Variants in RNF130 observed in about 807,000 individuals in gnomAD.
RNF130 encodes the protein E3 ubiquitin-protein ligase RNF130.
RNF130 carries 21 observed loss-of-function variants against 44.6 expected under a neutral mutation model. That is an observed-to-expected ratio of 0.47 (90% CI 0.33 to 0.68). RNF130 has a LOEUF of 0.68. Ranked by LOEUF, RNF130 falls within the 30% of genes least tolerant of loss-of-function variation. The probability of loss-of-function intolerance (pLI) is 0.02; values close to 1 mark genes in which losing one functional copy is unlikely to be tolerated. For synonymous variants in RNF130, 214 were observed against 210.4 expected, an observed-to-expected ratio of 1.02 and a Z score of -0.15; for missense variants, 479 against 560.6, an observed-to-expected ratio of 0.85 and a Z score of 1.47.
intron 7 of RNF130, among the ~76,000 whole-genome samples, chr5:179,935,051 G>A (rs925637451): frequency 4.6e-5 from 7 of 152,144 alleles, no homozygotes; most frequent in African/African-American, 9.7e-5. Context: ...ATACTTCTAT[G>A]AGCATTCAAT....
chr5:179,968,837 C>T (rs1762514551), intron 6 of RNF130, among the ~76,000 whole-genome samples: 1 of 152,140 alleles, frequency 6.6e-6, no homozygotes, highest in Admixed American at 6.6e-5. Flanking sequence ...ATGCTACTAG[C>T]ATTTAGATGC....
intron 1 of RNF130, 80 bp downstream of exon 1, chr5:180,071,376 A>G: frequency 2.5e-6 from 3 of 1,206,598 alleles, no homozygotes; most frequent in Non-Finnish European, 3.1e-6. Context: ...CCAGGGCCAG[A>G]GCCGGGGCCG....
intron 2 of RNF130, among the ~76,000 whole-genome samples, chr5:180,021,057 G>C (rs13435998): frequency 0.8 from 121,563 of 151,884 alleles, 48,859 homozygotes; most frequent in South Asian, 0.93. Flanking sequence ...TCTCTGCCTC[G>C]CGGGTTCAAC....
intron 1 of RNF130, among the ~76,000 whole-genome samples, chr5:180,050,820 T>C (rs1764671231): frequency 6.6e-6 from 1 of 152,218 alleles, no homozygotes; most frequent in Admixed American, 6.5e-5. Context: ...TTTATTTTTA[T>C]TTTTGGAGAC....
chr5:179,946,875 G>C (rs1009732334), intron 7 of RNF130, among the ~76,000 whole-genome samples: 2 of 152,178 alleles, frequency 1.3e-5, no homozygotes, highest in African/African-American at 4.8e-5. Context: ...CTTTTCATCA[G>C]CTGGGTTTGC....
intron 3 of RNF130, among the ~76,000 whole-genome samples, chr5:180,004,917 C>A (rs1474299109): frequency 6.6e-6 from 1 of 152,134 alleles, no homozygotes; most frequent in East Asian, 1.9e-4. Context: ...CATTCATTCA[C>A]CACCATTTTT....
intron 2 of RNF130, among the ~76,000 whole-genome samples, chr5:180,029,740 A>C (rs1764080766): frequency 6.6e-6 from 1 of 151,708 alleles, no homozygotes; most frequent in Non-Finnish European, 1.5e-5. Flanking sequence ...GGGTTTTGTT[A>C]TGTCTAGAAC....
At position 179,966,951 on chromosome 5, in the gene RNF130, T is replaced by C; in HGVS notation, c.1005A>G (p.Gln335=). The change falls in exon 7 of 9, where the codon CAA becomes CAG. Residue 335 remains glutamine, a synonymous_variant. Coordinates refer to ENST00000521389, the MANE Select transcript of RNF130 (RefSeq NM_018434.6). ...AFDMERLTRT[Q]AVNRRSALGD... ...CGAGGGCTGATCTTCGGTTAACAGC[T>C]TGGGTTCTGGTGAGCCTTTCCATAT... The C allele has an allele frequency of 1.2e-6, 2 of 1,614,248 alleles. No individual in the cohort carries two copies. Among genetic ancestry groups the C allele is most frequent in the Non-Finnish European group, 1.7e-6 (2 of 1,180,042 alleles).
At chr5:180,057,065 C>T (rs893962584) in intron 1 of RNF130, among the ~76,000 whole-genome samples, 14 of 152,176 alleles carry the variant, frequency 9.2e-5, no homozygotes, top group African/African-American at 2.9e-4. Context: ...TCAAAATAAG[C>T]CCCTTTCAAC....
intron 1 of RNF130, among the ~76,000 whole-genome samples, chr5:180,044,851 C>T (rs997574255): frequency 6.6e-6 from 1 of 151,994 alleles, no homozygotes; most frequent in Non-Finnish European, 1.5e-5. Flanking sequence ...AAATAAAAGC[C>T]TCCACATTCA....
chr5:179,975,580 C>T (rs1443198634), intron 5 of RNF130, among the ~76,000 whole-genome samples: 1 of 152,166 alleles, frequency 6.6e-6, no homozygotes, highest in Non-Finnish European at 1.5e-5. Context: ...CTGTGCTGAG[C>T]AGGCTGTGTG....
chr5:180,027,450 T>C (rs1764017458), intron 2 of RNF130, among the ~76,000 whole-genome samples: 1 of 152,152 alleles, frequency 6.6e-6, no homozygotes, highest in Non-Finnish European at 1.5e-5. Flanking sequence ...AGGATCATAA[T>C]TCTGGAGATT....
rs907272635 is a variant in RNF130, at chr5:180,040,704, T to C, written c.248-57A>G. 3 of 1,493,218 alleles carry C rather than the reference T, an allele frequency of 2.0e-6. No individual in the cohort carries two copies. The African/African-American group carries it at 4.2e-5, about 21-fold the overall frequency. The allele number at this position is 1,493,218 out of a possible 1,614,324, so 92.5% of individuals were successfully genotyped here. A position where few individuals can be genotyped will look rare whatever the true frequency, so the allele number is the denominator to read the frequency against. ...ATAAATAAAACTGACCAAGTCTTTA[T>C]CAAAGTGTCAACTGCTTTCTGAATA... On this transcript the variant is annotated intron_variant, in intron 1 of 8. Transcript: ENST00000521389.
chr5:179,996,257 GTTAA>G (rs1425997015), intron 3 of RNF130, among the ~76,000 whole-genome samples: 4 of 152,150 alleles, frequency 2.6e-5, no homozygotes, highest in African/African-American at 4.8e-5. Context: ...TTTTCAGTGA[GTTAA>G]TTGTTGGTGT....
At chr5:179,967,126 C>T in intron 6 of RNF130, 116 bp from the exon 7 acceptor site, 1 of 818,112 alleles carries the variant, frequency 1.2e-6, no homozygotes, top group South Asian at 1.7e-5. Flanking sequence ...AGGTTCTTTT[C>T]CTGTGATGTC....
intron 1 of RNF130, among the ~76,000 whole-genome samples, chr5:180,054,899 G>A (rs1764771940): frequency 6.6e-6 from 1 of 152,164 alleles, no homozygotes; most frequent in Admixed American, 6.5e-5. Context: ...TACTTTAAAT[G>A]ATATTGTGAA....
chr5:180,026,450 C>T (rs1299541586), intron 2 of RNF130, among the ~76,000 whole-genome samples: 1 of 152,182 alleles, frequency 6.6e-6, no homozygotes, highest in Non-Finnish European at 1.5e-5. Flanking sequence ...CTTCATACTA[C>T]CACAGATCCG....
chr5:180,068,503 A>G (rs552522169), intron 1 of RNF130, among the ~76,000 whole-genome samples: 1 of 152,276 alleles, frequency 6.6e-6, no homozygotes, highest in Non-Finnish European at 1.5e-5. Flanking sequence ...TGTTTATAAG[A>G]TATCTCATAA....
At chr5:179,996,261 A>C (rs1372554901) in intron 3 of RNF130, among the ~76,000 whole-genome samples, 1 of 152,288 alleles carries the variant, frequency 6.6e-6, no homozygotes, top group Admixed American at 6.5e-5. Context: ...CAGTGAGTTA[A>C]TTGTTGGTGT....
Sources: gnomAD v4.1 joint callset for allele counts (sites outside exome capture counted in the v4.1 genomes callset) on GRCh38, gnomAD v4.1.1 for gene constraint, MANE v1.5 for transcripts, NCBI Gene and HGNC (gene_info 2026-07-23, HGNC 2026-07-21) for gene names.